MTMR7: variants seen among roughly 807,000 people sequenced by gnomAD.
The protein encoded by MTMR7 is myotubularin related protein 7, also known as phosphatidylinositol-3-phosphate phosphatase MTMR7.
A neutral mutation model predicts 81.2 loss-of-function variants in MTMR7; 76 were observed. That is an observed-to-expected ratio of 0.94 (90% CI 0.78 to 1.13). The LOEUF is 1.13. MTMR7 is among the 50% of genes most tolerant of loss of function. The probability of loss-of-function intolerance (pLI) is 0.00; values close to 1 mark genes in which losing one functional copy is unlikely to be tolerated. For synonymous variants in MTMR7, 372 were observed against 289.8 expected, an observed-to-expected ratio of 1.28 and a Z score of -2.88; for missense variants, 1,044 against 820.0, an observed-to-expected ratio of 1.27 and a Z score of -3.34.
At position 17,330,996 on chromosome 8, in the gene MTMR7, C is replaced by T. The variant is rs1036459503; in HGVS notation, c.865+154G>A. On this transcript the variant is annotated intron_variant, in intron 7 of 13. Transcript: ENST00000180173. ...CAGTGATGCTTACAAATAAGAGAAA[C>T]GTTCTTAAGTGTTTAAAAAGCCACT... Among the ~76,000 whole-genome samples the T allele has an allele frequency of 4.6e-5, 7 of 152,276 alleles. No individual in the cohort carries two copies. The South Asian group carries it at 8.3e-4, about 18-fold the overall frequency.
intron 13 of MTMR7, 94 bp from the exon 14 acceptor site, chr8:17,300,318 G>C: frequency 1.5e-6 from 2 of 1,311,740 alleles, no homozygotes; most frequent in Non-Finnish European, 2.1e-6. Context: ...CTCCCACGTG[G>C]GTATAATGTT....
At chr8:17,392,666 A>G (rs1033454513) in intron 1 of MTMR7, among the ~76,000 whole-genome samples, 1 of 152,244 alleles carries the variant, frequency 6.6e-6, no homozygotes, top group African/African-American at 2.4e-5. Flanking sequence ...GACGAGATCA[A>G]TGTTTTTATT....
At chr8:17,322,606 G>T (rs147506766) in intron 7 of MTMR7, among the ~76,000 whole-genome samples, 23 of 152,268 alleles carry the variant, frequency 1.5e-4, no homozygotes, top group Admixed American at 2.6e-4. Context: ...GATTGCTTGA[G>T]CCCAGGAGTT....
chr8:17,350,481 G>C (rs1819695914), intron 4 of MTMR7, among the ~76,000 whole-genome samples: 1 of 152,150 alleles, frequency 6.6e-6, no homozygotes, highest in South Asian at 2.1e-4. Context: ...ACTATCATGA[G>C]AACACCATGG....
chr8:17,334,791 G>A (rs901808475), intron 6 of MTMR7, among the ~76,000 whole-genome samples: 1 of 152,212 alleles, frequency 6.6e-6, no homozygotes, highest in Non-Finnish European at 1.5e-5. Context: ...GAGAGACAGT[G>A]ACAATGACAG....
At chr8:17,380,695 C>T (rs1380770046) in intron 1 of MTMR7, among the ~76,000 whole-genome samples, 1 of 152,170 alleles carries the variant, frequency 6.6e-6, no homozygotes, top group Non-Finnish European at 1.5e-5. Flanking sequence ...AACTTCAAAG[C>T]CACGTTCATC....
chr8:17,305,792 G>A lies in MTMR7; in HGVS notation c.1317C>T (p.Phe439=), dbSNP rs146868565. 0.013 allele frequency: 20,683 copies of A among 1,613,336 alleles called. 188 individuals are homozygous for A. The highest frequency in any genetic ancestry group is 0.014 in the Non-Finnish European group (16,661 of 1,179,530). The part of the protein sequence containing the change: ...HHIYSCQFGN[F]LCNSQKERRE... Reference sequence around the variant, plus strand: ...GTCTCTCCTTTTGGCTGTTACATAGGAAGTTTCCAAACTGGCAGGAATAAA... The same window carrying A: ...GTCTCTCCTTTTGGCTGTTACATAGAAAGTTTCCAAACTGGCAGGAATAAA... The change falls in exon 11 of 14, where the codon TTC becomes TTT. Residue 439 remains phenylalanine (F), a synonymous_variant. Coordinates refer to ENST00000180173, the MANE Select transcript of MTMR7 (RefSeq NM_004686.5).
chr8:17,406,561 T>A lies in MTMR7; in HGVS notation c.24+6708A>T, dbSNP rs572789732. On this transcript the variant is annotated intron_variant, in intron 1 of 13. Coordinates refer to ENST00000180173, the MANE Select transcript of MTMR7 (RefSeq NM_004686.5). The stretch of plus-strand genomic sequence containing the variant: ...GGGTTCTGAAATAGTGCAGCCACTT[T>A]GGAAAACAATTTGGCAGTGCCTTAA... 4.1e-4 allele frequency among the ~76,000 whole-genome samples: 62 copies of A among 152,320 alleles called. 1 individual carries two copies. The highest frequency in any genetic ancestry group is 1.5e-3 in the African/African-American group (61 of 41,582).
At chr8:17,332,626 G>A (rs1388833914) in intron 6 of MTMR7, among the ~76,000 whole-genome samples, 3 of 152,200 alleles carry the variant, frequency 2.0e-5, no homozygotes, top group Admixed American at 6.5e-5. Flanking sequence ...CTGCTGCCCA[G>A]CATCACAAGA....
At chr8:17,409,007 A>G (rs1268985777) in intron 1 of MTMR7, among the ~76,000 whole-genome samples, 1 of 152,206 alleles carries the variant, frequency 6.6e-6, no homozygotes, top group African/African-American at 2.4e-5. Flanking sequence ...ATATAATTGC[A>G]AAATATGTTT....
intron 1 of MTMR7, among the ~76,000 whole-genome samples, chr8:17,387,216 G>A (rs1820972223): frequency 6.6e-6 from 1 of 152,154 alleles, no homozygotes; most frequent in South Asian, 2.1e-4. Context: ...GATATCCCAG[G>A]TATTCTGATG....
At chr8:17,389,293 T>C (rs1264314650) in intron 1 of MTMR7, among the ~76,000 whole-genome samples, 1 of 152,218 alleles carries the variant, frequency 6.6e-6, no homozygotes, top group Non-Finnish European at 1.5e-5. Flanking sequence ...CTATCTTTAC[T>C]GTACACTCTA....
At chr8:17,305,565 A>T (rs1563316139) in intron 11 of MTMR7, among the ~76,000 whole-genome samples, 192 bp downstream of exon 11, 1 of 152,204 alleles carries the variant, frequency 6.6e-6, no homozygotes, top group Non-Finnish European at 1.5e-5. Flanking sequence ...AAATGAAACT[A>T]TTTATCTGTC....
chr8:17,411,751 T>C (rs1821740142), intron 1 of MTMR7, among the ~76,000 whole-genome samples: 1 of 152,192 alleles, frequency 6.6e-6, no homozygotes, highest in Non-Finnish European at 1.5e-5. Context: ...GCAACTCAGG[T>C]TCACACGTGA....
chr8:17,338,690 T>C (rs575868354), intron 6 of MTMR7: 4 of 151,998 alleles, frequency 2.6e-5, no homozygotes, highest in Admixed American at 6.5e-5. Context: ...CCAGAGATTT[T>C]CTGGTATGTT....
At chr8:17,392,765 A>G (rs1348847272) in intron 1 of MTMR7, among the ~76,000 whole-genome samples, 1 of 152,264 alleles carries the variant, frequency 6.6e-6, no homozygotes, top group African/African-American at 2.4e-5. Context: ...AGGAAAAAAT[A>G]TTGAAACTCA....
chr8:17,370,008 A>G (rs1820364310), intron 3 of MTMR7, among the ~76,000 whole-genome samples: 1 of 152,052 alleles, frequency 6.6e-6, no homozygotes, highest in African/African-American at 2.4e-5. Flanking sequence ...GAGGCAAGAA[A>G]CACTTCTGTA....
intron 7 of MTMR7, among the ~76,000 whole-genome samples, chr8:17,330,631 G>T (rs1818951437): frequency 6.6e-6 from 1 of 152,160 alleles, no homozygotes; most frequent in Non-Finnish European, 1.5e-5. Context: ...TACGTGTCTT[G>T]TCATGTTCGC....
intron 7 of MTMR7, among the ~76,000 whole-genome samples, chr8:17,320,420 G>A (rs1170873225): frequency 6.6e-6 from 1 of 151,954 alleles, no homozygotes; most frequent in Non-Finnish European, 1.5e-5. Context: ...TTTTTGTAAG[G>A]TGGCAACAAG....
Sources: allele counts gnomAD v4.1 joint callset (sites outside exome capture counted in the v4.1 genomes callset), GRCh38; gene constraint gnomAD v4.1.1; transcripts MANE v1.5; gene names NCBI Gene and HGNC (gene_info 2026-07-23, HGNC 2026-07-21).